Variants in LRMDA observed in about 807,000 individuals in gnomAD.
LRMDA encodes leucine-rich melanocyte differentiation-associated protein.
Under a neutral mutation model 29.8 loss-of-function variants are expected in LRMDA, and 18 were observed. That is an observed-to-expected ratio of 0.60 (90% CI 0.42 to 0.90). LRMDA has a LOEUF of 0.90. LRMDA is among the 40% of genes least tolerant of loss of function. The pLI is 0.00. For synonymous variants in LRMDA, 125 were observed against 109.4 expected, an observed-to-expected ratio of 1.14 and a Z score of -0.89; for missense variants, 273 against 273.9, an observed-to-expected ratio of 1.00 and a Z score of 0.02.
intron 5 of LRMDA, among the ~76,000 whole-genome samples, chr10:76,250,421 T>C (rs1472280586): frequency 6.6e-6 from 1 of 152,240 alleles, no homozygotes; most frequent in Non-Finnish European, 1.5e-5. Flanking sequence ...GATATGTATG[T>C]ACTTTCATTT....
chr10:75,616,948 G>T (rs1323203240), intron 2 of LRMDA, among the ~76,000 whole-genome samples: 1 of 152,186 alleles, frequency 6.6e-6, no homozygotes, highest in African/African-American at 2.4e-5. Flanking sequence ...GTATTTACTA[G>T]TAAGTGGAAG....
At chr10:76,141,397 C>G (rs1363524688) in intron 5 of LRMDA, among the ~76,000 whole-genome samples, 2 of 152,044 alleles carry the variant, frequency 1.3e-5, no homozygotes, top group Non-Finnish European at 2.9e-5. Context: ...GTAATACATA[C>G]TAGTAGCTGG....
intron 2 of LRMDA, among the ~76,000 whole-genome samples, chr10:75,498,946 G>C (rs1845080442): frequency 6.6e-6 from 1 of 152,096 alleles, no homozygotes; most frequent in South Asian, 2.1e-4. Flanking sequence ...TGTGGGTGGA[G>C]AAAAAGCAGG....
At chr10:75,435,919 G>C (rs1206504815) in intron 1 of LRMDA, among the ~76,000 whole-genome samples, 2 of 152,204 alleles carry the variant, frequency 1.3e-5, no homozygotes, top group East Asian at 3.9e-4. Flanking sequence ...GGCATTTGCT[G>C]ATCAAGAAAA....
intron 6 of LRMDA, among the ~76,000 whole-genome samples, chr10:76,452,100 A>G (rs934379780): frequency 6.6e-6 from 1 of 152,200 alleles, no homozygotes; most frequent in Non-Finnish European, 1.5e-5. Context: ...CACTTATCAG[A>G]TGGCTCATCA....
intron 2 of LRMDA, among the ~76,000 whole-genome samples, chr10:75,835,096 TTAG>T (rs1224130321): frequency 6.6e-6 from 1 of 152,236 alleles, no homozygotes. Flanking sequence ...TTCCACAAAC[TTAG>T]TAGCCTACAA....
intron 6 of LRMDA, among the ~76,000 whole-genome samples, chr10:76,378,401 G>A (rs1376952119): frequency 1.3e-5 from 2 of 152,090 alleles, no homozygotes; most frequent in Non-Finnish European, 1.5e-5. Flanking sequence ...GATTACTCTA[G>A]CTAGGACTTC....
At chr10:76,522,170 T>G (rs1407360699) in intron 6 of LRMDA, among the ~76,000 whole-genome samples, 1 of 152,172 alleles carries the variant, frequency 6.6e-6, no homozygotes, top group Non-Finnish European at 1.5e-5. Context: ...TTCTTGAATT[T>G]CAGACTCATT....
At chr10:75,892,928 C>T (rs1845518491) in intron 2 of LRMDA, among the ~76,000 whole-genome samples, 2 of 152,118 alleles carry the variant, frequency 1.3e-5, no homozygotes, top group Non-Finnish European at 2.9e-5. Flanking sequence ...ATAGAAAGCC[C>T]TAGTAGAGAG....
At chr10:76,462,074 A>AC (rs59222838) in intron 6 of LRMDA, among the ~76,000 whole-genome samples, 2,184 of 78,178 alleles carry the variant, frequency 0.028, 50 homozygotes, top group African/African-American at 0.068. Context: ...AAAAAAAAAA[A>AC]AACCACACAC....
intron 2 of LRMDA, among the ~76,000 whole-genome samples, chr10:75,894,179 C>G (rs1280915604): frequency 6.6e-6 from 1 of 151,850 alleles, no homozygotes; most frequent in Non-Finnish European, 1.5e-5. Flanking sequence ...CCTCGTCCCC[C>G]TCCCACTCTT....
intron 5 of LRMDA, among the ~76,000 whole-genome samples, chr10:76,154,869 G>A (rs1850510072): frequency 6.6e-6 from 1 of 152,098 alleles, no homozygotes; most frequent in Non-Finnish European, 1.5e-5. Context: ...AGTCCCTGTG[G>A]CAAAGAAGAC....
At chr10:75,601,425 A>G (rs555944793) in intron 2 of LRMDA, 44 of 152,352 alleles carry the variant, frequency 2.9e-4, no homozygotes, top group African/African-American at 1.1e-3. Context: ...AGGGTTCAGA[A>G]CAATCCAATT....
chr10:76,348,967 G>A (rs188761677), intron 6 of LRMDA, among the ~76,000 whole-genome samples: 3 of 152,312 alleles, frequency 2.0e-5, no homozygotes, highest in Admixed American at 2.0e-4. Context: ...GACATCACAG[G>A]AGCCGTGTTG....
intron 6 of LRMDA, among the ~76,000 whole-genome samples, chr10:76,363,176 A>AGAAAGAAAGAAAGAAAGAAAGAAAGAG (rs1459442138): frequency 9.2e-5 from 2 of 21,750 alleles, no homozygotes; most frequent in East Asian, 6.0e-4. Flanking sequence ...AAAGAAAGAA[A>AGAAAGAAAGAAAGAAAGAAAGAAAGAG]GGAGGGAGGG....
chr10:75,489,226 T>TTAA (rs1554893976), intron 2 of LRMDA, among the ~76,000 whole-genome samples: 1 of 132,074 alleles, frequency 7.6e-6, no homozygotes, highest in Non-Finnish European at 1.6e-5. Flanking sequence ...GGATTTTTAG[T>TTAA]AAAAAAAAAA....
At chr10:75,720,039 A>T (rs1289549594) in intron 2 of LRMDA, among the ~76,000 whole-genome samples, 1 of 152,184 alleles carries the variant, frequency 6.6e-6, no homozygotes, top group Non-Finnish European at 1.5e-5. Flanking sequence ...AAAATTTAAC[A>T]AGAGAAACGG....
At chr10:76,000,350 T>G (rs1847540869) in intron 2 of LRMDA, among the ~76,000 whole-genome samples, 1 of 152,188 alleles carries the variant, frequency 6.6e-6, no homozygotes, top group African/African-American at 2.4e-5. Flanking sequence ...CGGTGTCTCC[T>G]GGGAGCCATC....
At chr10:76,002,967 T>C (rs1010435681) in intron 2 of LRMDA, among the ~76,000 whole-genome samples, 2 of 152,192 alleles carry the variant, frequency 1.3e-5, no homozygotes, top group Admixed American at 1.3e-4. Flanking sequence ...GTTTATTTAT[T>C]TATTTATTTT....
Sources: gnomAD v4.1 joint callset for allele counts (sites outside exome capture counted in the v4.1 genomes callset) on GRCh38, gnomAD v4.1.1 for gene constraint, MANE v1.5 for transcripts, NCBI Gene and HGNC (gene_info 2026-07-23, HGNC 2026-07-21) for gene names.